Variants in CLDN11 observed in about 807,000 individuals in gnomAD.
CLDN11 encodes the protein claudin-11.
Under a neutral mutation model 18.0 loss-of-function variants are expected in CLDN11, and 1 was observed. The observed-to-expected ratio is 0.06, with a 90% CI of 0.02 to 0.26. The LOEUF is 0.26. Ranked by LOEUF, CLDN11 falls within the 10% of genes least tolerant of loss-of-function variation. CLDN11 has a pLI of 1.00. For synonymous variants in CLDN11, 116 were observed against 121.5 expected (o/e 0.96, Z 0.30); for missense variants, 172 against 276.6 (o/e 0.62, Z 2.68).
At chr3:170,424,023 C>CAAAAAAAAA (rs58373106) in intron 2 of CLDN11, among the ~76,000 whole-genome samples, 5 of 120,272 alleles carry the variant, frequency 4.2e-5, no homozygotes, top group Non-Finnish European at 6.6e-5. Flanking sequence ...AGTGCAACTC[C>CAAAAAAAAA]AAAAAAAAAA....
At chr3:170,431,839 G>A (rs993818356) in intron 2 of CLDN11, among the ~76,000 whole-genome samples, 15 of 152,214 alleles carry the variant, frequency 9.9e-5, no homozygotes, top group Non-Finnish European at 1.9e-4. Context: ...TTGGGATTTT[G>A]TGATTGTGAA....
chr3:170,428,538 G>T (rs1372209153), intron 2 of CLDN11, among the ~76,000 whole-genome samples: 1 of 152,192 alleles, frequency 6.6e-6, no homozygotes, highest in East Asian at 1.9e-4. Context: ...AAGGAATTCT[G>T]CTTATGAGAG....
At chr3:170,426,258 A>G (rs1204301893) in intron 2 of CLDN11, among the ~76,000 whole-genome samples, 1 of 152,224 alleles carries the variant, frequency 6.6e-6, no homozygotes, top group Non-Finnish European at 1.5e-5. Context: ...AGCTTAAAAA[A>G]ATTATGTCTG....
rs1560237146 is a variant in CLDN11 at position 170,434,481 on chromosome 3, A to T, written c.*1725A>T. ...GAATTAACGAAACCTATTTTATTGG[A>T]TCTTTAAGTAATAATATCTAAATAC... On this transcript the variant is annotated 3_prime_UTR_variant, in exon 3 of 3. Coordinates refer to ENST00000064724, the MANE Select transcript of CLDN11 (RefSeq NM_005602.6). Among the ~76,000 whole-genome samples, 1 of 152,238 alleles carries T rather than the reference A, an allele frequency of 6.6e-6. No individual in the cohort carries two copies. Among genetic ancestry groups the T allele is most frequent in the East Asian group, 1.9e-4 (1 of 5,204 alleles).
At chr3:170,422,367 A>G (rs1738745801) in intron 1 of CLDN11, among the ~76,000 whole-genome samples, 2 of 152,202 alleles carry the variant, frequency 1.3e-5, no homozygotes, top group Non-Finnish European at 2.9e-5. Context: ...TCTTCAGTAG[A>G]ATTCTATTAC....
In CLDN11 at chr3:170,433,562, G is replaced by A. The variant is rs77614151; in HGVS notation, c.*806G>A. On this transcript the variant is annotated 3_prime_UTR_variant, in exon 3 of 3. Coordinates refer to ENST00000064724, the MANE Select transcript of CLDN11 (RefSeq NM_005602.6). ...AAGATAGCATTGGGGACATGGGATGGGGGAGGGAGGGCAATAGTGGAACGA... is the reference window on the plus strand; with the variant it reads ...AAGATAGCATTGGGGACATGGGATGAGGGAGGGAGGGCAATAGTGGAACGA... The A allele has an allele frequency of 1.3e-5, 2 of 152,540 alleles. No homozygotes were observed. The highest frequency in any genetic ancestry group is 2.9e-5 in the Non-Finnish European group (2 of 68,026). 9.4% of individuals were successfully genotyped at this position (152,540 alleles called of 1,614,324 possible). A position where few individuals can be genotyped will look rare whatever the true frequency, so the allele number is the denominator to read the frequency against.
chr3:170,431,847 G>A (rs890252902), intron 2 of CLDN11, among the ~76,000 whole-genome samples: 27 of 152,190 alleles, frequency 1.8e-4, no homozygotes, highest in African/African-American at 5.8e-4. Flanking sequence ...TTGTGATTGT[G>A]AACAGTGTAA....
chr3:170,432,933 G>T lies in CLDN11; in HGVS notation c.*177G>T, dbSNP rs1317362004. On this transcript the variant is annotated 3_prime_UTR_variant, in exon 3 of 3. Transcript: ENST00000064724. ...TTCTCCCCATTTCCCCCATCTTTTG[G>T]TTGCCTTAAAAGAAATCTCTAGCTC... 6 of 625,490 alleles carry T rather than the reference G, an allele frequency of 9.6e-6. No individual in the cohort carries two copies. The East Asian group carries it at 1.7e-4, about 17-fold the overall frequency. The allele number at this position is 625,490 out of a possible 1,614,324, so 38.7% of individuals were successfully genotyped here.
chr3:170,423,267 G>C lies in CLDN11; in HGVS notation c.331G>C (p.Glu111Gln). ...TCTTCCCTGCATCCGGATGGGCCAGGAGCCCGGTGTGGCTAAGTACAGGCG... is the reference window on the plus strand; with the variant it reads ...TCTTCCCTGCATCCGGATGGGCCAGCAGCCCGGTGTGGCTAAGTACAGGCG... ...TVLPCIRMGQ[E>Q]PGVAKYRRAQ... The change falls in exon 2 of 3, where the codon GAG becomes CAG. Residue 111 changes from glutamate to glutamine, a missense_variant. Glu to Gln is a conservative substitution (Grantham distance 29). Transcript: ENST00000064724. 1 of 1,614,220 alleles carries C rather than the reference G, an allele frequency of 6.2e-7. No individual in the cohort carries two copies. The highest frequency in any genetic ancestry group is 2.2e-5 in the East Asian group (1 of 44,876).
At chr3:170,430,297 T>A (rs1319480211) in intron 2 of CLDN11, among the ~76,000 whole-genome samples, 1 of 152,204 alleles carries the variant, frequency 6.6e-6, no homozygotes, top group Non-Finnish European at 1.5e-5. Context: ...GTGCCTGATT[T>A]GGAGTTCACG....
At chr3:170,429,892 A>G (rs1027714626) in intron 2 of CLDN11, among the ~76,000 whole-genome samples, 1 of 152,250 alleles carries the variant, frequency 6.6e-6, no homozygotes, top group African/African-American at 2.4e-5. Context: ...TGAAAAATAT[A>G]AAACTTGATT....
chr3:170,425,348 A>G (rs1398317626), intron 2 of CLDN11, among the ~76,000 whole-genome samples: 2 of 152,198 alleles, frequency 1.3e-5, no homozygotes, highest in Admixed American at 1.3e-4. Flanking sequence ...GGCCTTCCAT[A>G]TGAATGTCAC....
Position 170,419,027 on chromosome 3 carries a change from G to T in CLDN11, c.-40G>T. 1 of 1,463,914 alleles carries T rather than the reference G, an allele frequency of 6.8e-7. No individual in the cohort carries two copies. Among genetic ancestry groups the T allele is most frequent in the Middle Eastern group, 2.3e-4 (1 of 4,380 alleles). 90.7% of individuals were successfully genotyped at this position (1,463,914 alleles called of 1,614,324 possible). ...ACTGTCCAGCCCAGGCCCAGGCACA[G>T]CCGTGAGGGGCGAGGCACGGGGACA... is the stretch of plus-strand genomic sequence containing the variant. On this transcript the variant is annotated 5_prime_UTR_variant, in exon 1 of 3. Coordinates refer to ENST00000064724, the MANE Select transcript of CLDN11 (RefSeq NM_005602.6). The surrounding 1 kb of genome is among the most constrained non-coding windows in gnomAD (Gnocchi z 8.6).
Position 170,419,752 on chromosome 3 carries a change from G to A in CLDN11, c.226+460G>A, listed in dbSNP as rs918607675. Among the ~76,000 whole-genome samples the A allele has an allele frequency of 6.6e-6, 1 of 152,260 alleles. No homozygotes were observed. The highest frequency in any genetic ancestry group is 1.5e-5 in the Non-Finnish European group (1 of 68,038). ...CTGACAGGAGAATCGAACCGGCTCA[G>A]GCTGAGTTTCTCGGTCCTCATGGGA... On this transcript the variant is annotated intron_variant, in intron 1 of 2. Coordinates refer to ENST00000064724, the MANE Select transcript of CLDN11 (RefSeq NM_005602.6). This position sits in a 1 kb window ranked among gnomAD's most constrained non-coding sequence, Gnocchi z 8.6.
In CLDN11 at chr3:170,424,216, C is replaced by T. The variant is rs139782222; in HGVS notation, c.391+889C>T. Reference sequence around the variant, plus strand: ...TACTGGGGACACTGGGGAAAATAGGCCGTCTTTGCTTTGAGTGTACTTGGA... The same window carrying T: ...TACTGGGGACACTGGGGAAAATAGGTCGTCTTTGCTTTGAGTGTACTTGGA... On this transcript the variant is annotated intron_variant, in intron 2 of 2. Transcript: ENST00000064724. Among the ~76,000 whole-genome samples, 19 of 152,208 alleles carry T rather than the reference C, an allele frequency of 1.2e-4. No homozygotes were observed. The South Asian group carries it at 2.1e-3, about 17-fold the overall frequency.
chr3:170,427,644 C>A (rs1325485371), intron 2 of CLDN11, among the ~76,000 whole-genome samples: 4 of 151,166 alleles, frequency 2.6e-5, no homozygotes, highest in African/African-American at 4.9e-5. Context: ...AACAAAAAAA[C>A]CAACCAAAAC....
At chr3:170,426,966 G>A (rs1232744069) in intron 2 of CLDN11, among the ~76,000 whole-genome samples, 2 of 152,118 alleles carry the variant, frequency 1.3e-5, no homozygotes, top group African/African-American at 2.4e-5. Context: ...ATTTTTTGTA[G>A]AGATGGGGTT....
chr3:170,428,269 A>G (rs1015474233), intron 2 of CLDN11, among the ~76,000 whole-genome samples: 2 of 152,090 alleles, frequency 1.3e-5, no homozygotes, highest in Non-Finnish European at 2.9e-5. Context: ...AACGTCAAAC[A>G]TACCTGTATT....
chr3:170,422,101 A>G (rs1738738296), intron 1 of CLDN11, among the ~76,000 whole-genome samples: 1 of 152,096 alleles, frequency 6.6e-6, no homozygotes, highest in African/African-American at 2.4e-5. Flanking sequence ...GGGTCCAACA[A>G]TTTAGGGGCA....
Sources: allele counts gnomAD v4.1 joint callset (sites outside exome capture counted in the v4.1 genomes callset), GRCh38; gene constraint gnomAD v4.1.1; non-coding constraint Gnocchi (gnomAD v3.1); transcripts MANE v1.5; gene names NCBI Gene and HGNC (gene_info 2026-07-23, HGNC 2026-07-21).